The following EEIG2 variants were observed in gnomAD, a reference collection of about 807,000 sequenced individuals.
The protein encoded by EEIG2 is EEIG family member 2.
the EEIG2 span, among the ~76,000 whole-genome samples, chr1:108,594,066 C>A: frequency 2.0e-5 from 3 of 151,964 alleles, no homozygotes; most frequent in Admixed American, 2.0e-4. Context: ...CCTTGGTCTC[C>A]GAAAGTGCTG....
the EEIG2 span, among the ~76,000 whole-genome samples, chr1:108,563,577 TAGAG>T: frequency 1.3e-5 from 2 of 152,238 alleles, no homozygotes; most frequent in Admixed American, 6.5e-5. Flanking sequence ...TAGATATAAA[TAGAG>T]AGACCCAAAT....
chr1:108,634,848 G>A, the EEIG2 span, among the ~76,000 whole-genome samples: 606 of 152,254 alleles, frequency 4.0e-3, 1 homozygote, highest in African/African-American at 0.014. Context: ...ACCATTTGTC[G>A]ATAGGTCAAG....
chr1:108,624,896 C>G, the EEIG2 span: 2 of 643,220 alleles, frequency 3.1e-6, no homozygotes, highest in Admixed American at 2.9e-5. Flanking sequence ...TGATCCAGTG[C>G]TTTATTTTGT....
chr1:108,594,884 G>C, the EEIG2 span, among the ~76,000 whole-genome samples: 1 of 151,510 alleles, frequency 6.6e-6, no homozygotes, highest in Non-Finnish European at 1.5e-5. Context: ...TTAATCTCTT[G>C]TTTTTTTCCC....
At chr1:108,604,235 A>G in the EEIG2 span, among the ~76,000 whole-genome samples, 1 of 152,172 alleles carries the variant, frequency 6.6e-6, no homozygotes, top group Admixed American at 6.6e-5. Context: ...GGCCTTATGA[A>G]GAGTTTAGAT....
chr1:108,575,204 G>A, the EEIG2 span, among the ~76,000 whole-genome samples: 4 of 152,142 alleles, frequency 2.6e-5, no homozygotes, highest in African/African-American at 4.8e-5. Flanking sequence ...GGTTTTTCAC[G>A]ATAAGCACAA....
chr1:108,578,443 A>C, the EEIG2 span, among the ~76,000 whole-genome samples: 1 of 105,328 alleles, frequency 9.5e-6, no homozygotes, highest in African/African-American at 3.9e-5. Context: ...GGTTTGTCAT[A>C]GATAGCTCTT....
chr1:108,585,381 G>A, the EEIG2 span, among the ~76,000 whole-genome samples: 1,463 of 152,234 alleles, frequency 9.6e-3, 23 homozygotes, highest in African/African-American at 0.033. Flanking sequence ...GTTTGTTAGA[G>A]TTTCTCTAAC....
chr1:108,561,477 C>T, the EEIG2 span, among the ~76,000 whole-genome samples: 1 of 152,076 alleles, frequency 6.6e-6, no homozygotes, highest in African/African-American at 2.4e-5. Flanking sequence ...TGGTCTTAGG[C>T]TTTATTTCTG....
chr1:108,633,700 T>C, the EEIG2 span, among the ~76,000 whole-genome samples: 2 of 152,270 alleles, frequency 1.3e-5, no homozygotes, highest in African/African-American at 4.8e-5. Context: ...GGCTATGATG[T>C]GCCTTGAATA....
chr1:108,565,818 A>G, the EEIG2 span, among the ~76,000 whole-genome samples: 3 of 152,304 alleles, frequency 2.0e-5, no homozygotes, highest in East Asian at 3.9e-4. Flanking sequence ...TTCACTGCAC[A>G]TTGTGTATTT....
the EEIG2 span, chr1:108,560,578 C>G: frequency 1.9e-6 from 3 of 1,607,324 alleles, no homozygotes; most frequent in Non-Finnish European, 2.5e-6. Context: ...AACTCGCCTC[C>G]CGCGCCGCCT....
chr1:108,598,936 C>G, the EEIG2 span, among the ~76,000 whole-genome samples: 3 of 152,122 alleles, frequency 2.0e-5, no homozygotes, highest in African/African-American at 7.2e-5. Flanking sequence ...GAGACTGAGA[C>G]AGGAGTATCA....
the EEIG2 span, among the ~76,000 whole-genome samples, chr1:108,620,233 A>C: frequency 2.0e-5 from 3 of 152,214 alleles, no homozygotes; most frequent in African/African-American, 7.2e-5. Context: ...TTTACTTGAG[A>C]AACAGGAGTA....
At chr1:108,566,471 G>A in the EEIG2 span, among the ~76,000 whole-genome samples, 3 of 152,132 alleles carry the variant, frequency 2.0e-5, no homozygotes, top group Non-Finnish European at 2.9e-5. Context: ...AGAAAGTACT[G>A]TCTGACCATA....
chr1:108,612,150 A>G, the EEIG2 span: 2 of 1,482,998 alleles, frequency 1.3e-6, no homozygotes, highest in Middle Eastern at 1.7e-4. Flanking sequence ...TAGATAGTCT[A>G]TTAATATAAT....
the EEIG2 span, among the ~76,000 whole-genome samples, chr1:108,581,010 T>TC: frequency 6.6e-6 from 1 of 152,210 alleles, no homozygotes; most frequent in Non-Finnish European, 1.5e-5. Context: ...AGGCTCACTC[T>TC]CTTGCTAGGA....
the EEIG2 span, among the ~76,000 whole-genome samples, chr1:108,631,725 T>C: frequency 1.3e-5 from 2 of 152,214 alleles, no homozygotes; most frequent in African/African-American, 2.4e-5. Context: ...GGTACATATA[T>C]ATTTTTTATT....
chr1:108,591,329 A>C, the EEIG2 span, among the ~76,000 whole-genome samples: 1 of 152,218 alleles, frequency 6.6e-6, no homozygotes, highest in Non-Finnish European at 1.5e-5. Flanking sequence ...ATTATCACAC[A>C]CAAAAAAAAT....
Sources: allele counts gnomAD v4.1 joint callset (sites outside exome capture counted in the v4.1 genomes callset), GRCh38; gene constraint gnomAD v4.1.1; transcripts MANE v1.5; gene names NCBI Gene and HGNC (gene_info 2026-07-23, HGNC 2026-07-21).